The following FANCD2OS variants were observed in gnomAD, a reference collection of about 807,000 sequenced individuals.
FANCD2OS encodes FANCD2 opposite strand protein.
Under a neutral mutation model 13.2 loss-of-function variants are expected in FANCD2OS, and 11 were observed. The ratio of observed to expected loss-of-function variants is 0.83; its 90% CI spans 0.52 to 1.38. The LOEUF is 1.38. Among genes scored for constraint, FANCD2OS ranks in the 40% most tolerant of loss-of-function variants. The probability of loss-of-function intolerance (pLI) is 0.00; values close to 1 mark genes in which losing one functional copy is unlikely to be tolerated. For synonymous variants in FANCD2OS, 69 were observed against 84.5 expected, an observed-to-expected ratio of 0.82 and a Z score of 1.01; for missense variants, 217 against 213.9, an observed-to-expected ratio of 1.01 and a Z score of -0.09.
At chr3:10,087,094 G>A (rs1179433728) in intron 2 of FANCD2OS, 5 of 1,611,114 alleles carry the variant, frequency 3.1e-6, no homozygotes, top group East Asian at 2.2e-5. Context: ...TGACACATAG[G>A]ATACTATTGC....
intron 1 of FANCD2OS, among the ~76,000 whole-genome samples, chr3:10,105,595 C>A (rs536453197): frequency 1.3e-5 from 2 of 150,636 alleles, no homozygotes; most frequent in African/African-American, 4.9e-5. Flanking sequence ...ACTAAAAATA[C>A]AAAAATTAGC....
At chr3:10,105,828 G>T in intron 1 of FANCD2OS, among the ~76,000 whole-genome samples, 4 of 101,840 alleles carry the variant, frequency 3.9e-5, no homozygotes, top group Non-Finnish European at 5.9e-5. Context: ...ATATTTTGAG[G>T]TTCGCGATGT....
chr3:10,088,368 A>G, intron 2 of FANCD2OS: 1 of 882,482 alleles, frequency 1.1e-6, no homozygotes, highest in South Asian at 1.3e-5. Context: ...CTTTTGATCA[A>G]TAATCATCCT....
chr3:10,105,794 ATATATATATATATATATATATATATATT>A (rs1468613661), intron 1 of FANCD2OS, among the ~76,000 whole-genome samples: 870 of 73,566 alleles, frequency 0.012, 48 homozygotes, highest in African/African-American at 0.032. Flanking sequence ...ATATATATAT[ATATATATATATATATATATATATATATT>A]TTGAGGTTCG....
At chr3:10,095,199 G>A (rs769704068) in intron 2 of FANCD2OS, 1 of 1,612,442 alleles carries the variant, frequency 6.2e-7, no homozygotes, top group Non-Finnish European at 8.5e-7. Flanking sequence ...ATTGGTTATA[G>A]GAAGATGTTC....
At chr3:10,097,199 G>C (rs1023787308) in intron 2 of FANCD2OS, among the ~76,000 whole-genome samples, 1 of 152,208 alleles carries the variant, frequency 6.6e-6, no homozygotes, top group Non-Finnish European at 1.5e-5. Flanking sequence ...CAGGACCGAG[G>C]CGAAATTGAA....
intron 2 of FANCD2OS, among the ~76,000 whole-genome samples, chr3:10,096,112 C>G (rs535546427): frequency 3.2e-4 from 49 of 152,250 alleles, no homozygotes; most frequent in Non-Finnish European, 6.0e-4. Context: ...TGAAGAGGAA[C>G]TAGAGGTGTT....
At chr3:10,088,729 A>C in intron 2 of FANCD2OS, 2 of 1,337,076 alleles carry the variant, frequency 1.5e-6, no homozygotes, top group Non-Finnish European at 2.1e-6. Flanking sequence ...CTGTTAGCTA[A>C]CTGCTTATTG....
chr3:10,082,337 C>T (rs1693893189), intron 2 of FANCD2OS, among the ~76,000 whole-genome samples: 1 of 152,170 alleles, frequency 6.6e-6, no homozygotes, highest in African/African-American at 2.4e-5. Flanking sequence ...CTTCCAGACT[C>T]CCATTATCTC....
intron 2 of FANCD2OS, chr3:10,087,077 A>G (rs550914405): frequency 1.3e-6 from 2 of 1,597,580 alleles, no homozygotes; most frequent in African/African-American, 1.3e-5. Flanking sequence ...GGATTTAAAT[A>G]TATCTGTGAC....
intron 2 of FANCD2OS, among the ~76,000 whole-genome samples, chr3:10,095,564 T>A (rs1038556364): frequency 1.3e-5 from 2 of 152,204 alleles, no homozygotes; most frequent in African/African-American, 4.8e-5. Context: ...CAAAGTCCTC[T>A]AGGTAACAGG....
At chr3:10,099,120 A>T, downstream of FANCD2OS, 1 of 1,488,630 alleles carries the variant, frequency 6.7e-7, no homozygotes, top group Non-Finnish European at 8.9e-7. Flanking sequence ...AGAAGGGAGA[A>T]GTCATCGAAG....
At position 10,096,339 on chromosome 3, in the gene FANCD2OS, C is replaced by T. The variant is rs775898191; in HGVS notation, c.*43+7859G>A. On this transcript the variant is annotated intron_variant, in intron 2 of 2. Coordinates refer to the FANCD2OS transcript ENST00000524279. ...ATTTCCATTCAGATTCACCAGGACA[C>T]GAGACTCACCCAACATGTGCCTCTG... The T allele has an allele frequency of 7.1e-5, 114 of 1,613,908 alleles. No individual in the cohort carries two copies. Among genetic ancestry groups the T allele is most frequent in the Non-Finnish European group, 9.1e-5 (107 of 1,179,964 alleles).
downstream of FANCD2OS, chr3:10,103,090 C>T (rs1354929050): frequency 2.3e-6 from 1 of 432,284 alleles, no homozygotes; most frequent in Admixed American, 2.5e-5. Context: ...AACTCCATCT[C>T]TACTAAAAAA....
downstream of FANCD2OS, chr3:10,098,922 T>G: frequency 3.7e-6 from 6 of 1,614,232 alleles, no homozygotes; most frequent in Non-Finnish European, 5.1e-6. Context: ...TGTCAAATGC[T>G]TCTATGCCCA....
At chr3:10,085,034 G>T (rs1279592632) in intron 2 of FANCD2OS, among the ~76,000 whole-genome samples, 1 of 152,174 alleles carries the variant, frequency 6.6e-6, no homozygotes, top group Non-Finnish European at 1.5e-5. Flanking sequence ...AATATGAAAG[G>T]TAATCCAAAG....
At position 10,088,509 on chromosome 3, in the gene FANCD2OS, A is replaced by G. The variant is rs764205355; in HGVS notation, c.*44-6978T>C. 8 of 1,610,240 alleles carry G rather than the reference A, an allele frequency of 5.0e-6. No homozygotes were observed. Among genetic ancestry groups the G allele is most frequent in the East Asian group, 4.5e-5 (2 of 44,878 alleles). ...CCAAGTGGGGATAAAGAGAAGAGCAACATCTCTAATGACCAGCTCCATGCT... is the reference window on the plus strand; with the variant it reads ...CCAAGTGGGGATAAAGAGAAGAGCAGCATCTCTAATGACCAGCTCCATGCT... On this transcript the variant is annotated intron_variant, in intron 2 of 2. Coordinates refer to the FANCD2OS transcript ENST00000524279.
At chr3:10,105,283 T>C (rs561590199) in intron 1 of FANCD2OS, among the ~76,000 whole-genome samples, 2 of 152,340 alleles carry the variant, frequency 1.3e-5, no homozygotes, top group Admixed American at 1.3e-4. Flanking sequence ...ACCCATTTTA[T>C]AGATGAGGCA....
At chr3:10,086,019 G>C (rs554557253) in intron 2 of FANCD2OS, 31 of 802,310 alleles carry the variant, frequency 3.9e-5, no homozygotes, top group Admixed American at 3.5e-4. Flanking sequence ...TCTTTCAGTA[G>C]TTGTAAAGGA....
Sources: gnomAD v4.1 joint callset for allele counts (sites outside exome capture counted in the v4.1 genomes callset) on GRCh38, gnomAD v4.1.1 for gene constraint, MANE v1.5 for transcripts, NCBI Gene and HGNC (gene_info 2026-07-23, HGNC 2026-07-21) for gene names.